STXBP5L: variants seen among roughly 807,000 people sequenced by gnomAD.
STXBP5L encodes syntaxin binding protein 5L.
In STXBP5L, 65 loss-of-function variants were observed where a neutral mutation model predicts 144.5. The ratio of observed to expected loss-of-function variants is 0.45; its 90% CI spans 0.37 to 0.55. The LOEUF is 0.55. Among genes scored for constraint, STXBP5L ranks in the 20% least tolerant of loss-of-function variants. The pLI, the probability that STXBP5L is intolerant of heterozygous loss-of-function variation, is 0.00. For missense variants in STXBP5L, 1,298 were observed against 1,405.5 expected, an observed-to-expected ratio of 0.92 and a Z score of 1.22; for synonymous variants, 505 against 469.6, an observed-to-expected ratio of 1.08 and a Z score of -0.97.
intron 2 of STXBP5L, among the ~76,000 whole-genome samples, chr3:120,932,683 A>G (rs540698065): frequency 6.6e-6 from 1 of 152,268 alleles, no homozygotes; most frequent in African/African-American, 2.4e-5. Context: ...TTGACCCAGC[A>G]ATCCCATTAC....
chr3:121,097,613 C>G (rs1234889439), intron 5 of STXBP5L, among the ~76,000 whole-genome samples: 6 of 152,250 alleles, frequency 3.9e-5, no homozygotes, highest in Non-Finnish European at 7.3e-5. Flanking sequence ...GATGCCCCAC[C>G]CTGCTTCAGA....
rs368087723 is a variant in STXBP5L, at chr3:121,382,158, C to T, written c.2587+626C>T. Among the ~76,000 whole-genome samples, 16 of 151,646 alleles carry T rather than the reference C, an allele frequency of 1.1e-4. No individual in the cohort carries two copies. The East Asian group carries it at 2.1e-3, about 20-fold the overall frequency. ...TTCCTCCTGTTATTCCTAATTTGTT[C>T]TTATCACTAATTTTATTGTTTCCCT... is the stretch of plus-strand genomic sequence containing the variant. On this transcript the variant is annotated intron_variant, in intron 22 of 26. Coordinates refer to ENST00000471454, the MANE Select transcript of STXBP5L (RefSeq NM_001308330.2).
chr3:121,096,219 G>A (rs987954687), intron 5 of STXBP5L, among the ~76,000 whole-genome samples: 1 of 152,162 alleles, frequency 6.6e-6, no homozygotes, highest in African/African-American at 2.4e-5. Context: ...GACTGGAGCT[G>A]TTCATATTTG....
At chr3:121,314,000 G>A (rs2043674676) in intron 19 of STXBP5L, among the ~76,000 whole-genome samples, 1 of 151,532 alleles carries the variant, frequency 6.6e-6, no homozygotes, top group Non-Finnish European at 1.5e-5. Context: ...CAGACGATGG[G>A]CGGCCAGGCA....
intron 14 of STXBP5L, among the ~76,000 whole-genome samples, chr3:121,247,171 G>A (rs2049882062): frequency 6.6e-6 from 1 of 152,132 alleles, no homozygotes; most frequent in Admixed American, 6.5e-5. Flanking sequence ...TATACATATG[G>A]TTCTATTTCT....
intron 3 of STXBP5L, among the ~76,000 whole-genome samples, chr3:120,991,373 A>AGTG (rs1236516380): frequency 6.6e-6 from 1 of 151,644 alleles, no homozygotes; most frequent in African/African-American, 2.4e-5. Flanking sequence ...ACACTTTTAC[A>AGTG]GTGGTGGTGG....
intron 3 of STXBP5L, among the ~76,000 whole-genome samples, chr3:121,028,680 C>T (rs1946142153): frequency 6.6e-6 from 1 of 151,886 alleles, no homozygotes; most frequent in Non-Finnish European, 1.5e-5. Context: ...TCATTTTTTT[C>T]TGGTAGTAGC....
intron 3 of STXBP5L, among the ~76,000 whole-genome samples, chr3:121,034,595 G>T (rs1946627429): frequency 6.7e-6 from 1 of 149,938 alleles, no homozygotes; most frequent in African/African-American, 2.4e-5. Context: ...TATCTATCTA[G>T]CTCACATTTT....
chr3:120,984,388 A>G (rs1272270701), intron 3 of STXBP5L, among the ~76,000 whole-genome samples: 2 of 152,064 alleles, frequency 1.3e-5, no homozygotes, highest in African/African-American at 4.8e-5. Flanking sequence ...AGTTTCTTGA[A>G]TTTTTGTGTT....
At chr3:121,275,226 G>A (rs2050845231) in intron 18 of STXBP5L, among the ~76,000 whole-genome samples, 1 of 152,056 alleles carries the variant, frequency 6.6e-6, no homozygotes, top group African/African-American at 2.4e-5. Context: ...GCTATTCTAG[G>A]TCTATTATAC....
At chr3:121,104,849 G>A (rs1465282321) in intron 5 of STXBP5L, among the ~76,000 whole-genome samples, 2 of 152,018 alleles carry the variant, frequency 1.3e-5, no homozygotes, top group Non-Finnish European at 2.9e-5. Context: ...AAGAGCTCAT[G>A]ACCAAGATGC....
intron 2 of STXBP5L, among the ~76,000 whole-genome samples, chr3:120,942,116 C>A (rs116331913): frequency 6.6e-6 from 1 of 151,580 alleles, no homozygotes; most frequent in Non-Finnish European, 1.5e-5. Flanking sequence ...TTCGTTTAAT[C>A]GCTGTGTATA....
chr3:121,371,852 G>A (rs189116949), intron 20 of STXBP5L, among the ~76,000 whole-genome samples: 108 of 152,356 alleles, frequency 7.1e-4, no homozygotes, highest in African/African-American at 2.5e-3. Flanking sequence ...GGCAGGGCCA[G>A]TGGGCTCCTT....
intron 3 of STXBP5L, among the ~76,000 whole-genome samples, chr3:121,024,963 A>G (rs1033304302): frequency 7.2e-5 from 11 of 152,186 alleles, no homozygotes; most frequent in Non-Finnish European, 4.4e-5. Flanking sequence ...CTAATATTGT[A>G]TATAACAGAA....
chr3:121,415,889 G>A lies in STXBP5L; in HGVS notation c.3147G>A (p.Glu1049=). The change falls in exon 25 of 27, where the codon GAG becomes GAA. Residue 1049 remains glutamate, a synonymous_variant. Coordinates refer to ENST00000471454, the MANE Select transcript of STXBP5L (RefSeq NM_001308330.2). ...DMLGDLFTPI[E]TPEAQNRGFL... is the part of the protein sequence containing the mutation. ...TAGGAGATTTGTTTACTCCCATAGAGACACCAGAAGCTCAAAACAGAGGCT... is the reference window on the plus strand; with the variant it reads ...TAGGAGATTTGTTTACTCCCATAGAAACACCAGAAGCTCAAAACAGAGGCT... The A allele has an allele frequency of 2.5e-6, 4 of 1,613,398 alleles. No individual in the cohort carries two copies. The highest frequency in any genetic ancestry group is 1.1e-5 in the South Asian group (1 of 91,048).
At chr3:121,381,628 G>T (rs2046327137) in intron 22 of STXBP5L, 96 bp downstream of exon 22, 2 of 1,484,562 alleles carry the variant, frequency 1.3e-6, no homozygotes, top group Non-Finnish European at 1.8e-6. Context: ...TGGAGCAAAG[G>T]TTATAAGTAT....
chr3:121,311,798 C>T (rs1404094944), intron 19 of STXBP5L, among the ~76,000 whole-genome samples: 1 of 152,026 alleles, frequency 6.6e-6, no homozygotes, highest in Admixed American at 6.6e-5. Flanking sequence ...ATGCCATCCC[C>T]ATCAAGCTAC....
At chr3:121,302,607 G>T (rs2051964995) in intron 19 of STXBP5L, among the ~76,000 whole-genome samples, 1 of 151,980 alleles carries the variant, frequency 6.6e-6, no homozygotes, top group African/African-American at 2.4e-5. Context: ...GTTTGCTCTT[G>T]CTTCTCTTGT....
rs2044127460 is a variant in STXBP5L, at chr3:121,114,029, C to T, written c.471-896C>T. Among the ~76,000 whole-genome samples the T allele has an allele frequency of 2.6e-5, 4 of 152,120 alleles. No individual in the cohort carries two copies. The South Asian group carries it at 8.3e-4, about 32-fold the overall frequency. ...TATCATATTGGAAATATGTCATTCA[C>T]ATTTTTTTTGAAAAATTTATTGGTC... On this transcript the variant is annotated intron_variant, in intron 5 of 26. Coordinates refer to ENST00000471454, the MANE Select transcript of STXBP5L (RefSeq NM_001308330.2).
Sources: allele counts gnomAD v4.1 joint callset (sites outside exome capture counted in the v4.1 genomes callset), GRCh38; gene constraint gnomAD v4.1.1; transcripts MANE v1.5; gene names NCBI Gene and HGNC (gene_info 2026-07-23, HGNC 2026-07-21).